Variants in AMPH observed in about 807,000 individuals in gnomAD.
AMPH encodes amphiphysin (Stiff-Mann syndrome with breast cancer 128kD autoantigen).
A neutral mutation model predicts 99.1 loss-of-function variants in AMPH; 49 were observed. The ratio of observed to expected loss-of-function variants is 0.49; its 90% CI spans 0.39 to 0.63. The LOEUF is 0.63. Ranked by LOEUF, AMPH falls within the 20% of genes least tolerant of loss-of-function variation. The pLI is 0.00. For missense variants in AMPH, 759 were observed against 863.4 expected (o/e 0.88, Z 1.52); for synonymous variants, 314 against 317.3 (o/e 0.99, Z 0.11).
chr7:38,470,079 AC>A (rs962264337), intron 7 of AMPH, among the ~76,000 whole-genome samples: 4 of 151,788 alleles, frequency 2.6e-5, no homozygotes, highest in Non-Finnish European at 5.9e-5. Context: ...CCTGTGGTAT[AC>A]CCCTCAACAC....
intron 11 of AMPH, among the ~76,000 whole-genome samples, chr7:38,456,966 A>C (rs1787260308): frequency 6.6e-6 from 1 of 152,254 alleles, no homozygotes; most frequent in African/African-American, 2.4e-5. Context: ...TAAGTCATTG[A>C]GGAAATCACA....
At chr7:38,511,410 A>G (rs1213679944) in intron 2 of AMPH, among the ~76,000 whole-genome samples, 2 of 152,192 alleles carry the variant, frequency 1.3e-5, no homozygotes, top group African/African-American at 2.4e-5. Flanking sequence ...AGACACAGTT[A>G]TATTTTTCAG....
chr7:38,507,601 C>T (rs540364582), intron 2 of AMPH, among the ~76,000 whole-genome samples: 1 of 152,306 alleles, frequency 6.6e-6, no homozygotes, highest in Admixed American at 6.5e-5. Context: ...TATAACATTG[C>T]TCAGATTTCA....
At chr7:38,465,879 T>C (rs1460080971) in intron 8 of AMPH, among the ~76,000 whole-genome samples, 3 of 152,222 alleles carry the variant, frequency 2.0e-5, no homozygotes, top group African/African-American at 7.2e-5. Context: ...ATTATCTAAA[T>C]ACTTTGAGAG....
intron 5 of AMPH, among the ~76,000 whole-genome samples, chr7:38,480,015 C>G (rs1788230144): frequency 6.6e-6 from 1 of 151,478 alleles, no homozygotes; most frequent in Non-Finnish European, 1.5e-5. Flanking sequence ...TAAGAACTAA[C>G]CCAGGAGGAG....
At chr7:38,485,228 C>T (rs1402273887) in intron 5 of AMPH, among the ~76,000 whole-genome samples, 2 of 151,868 alleles carry the variant, frequency 1.3e-5, no homozygotes, top group South Asian at 2.1e-4. Flanking sequence ...TTATTGTCTA[C>T]AAGAGATTTA....
At chr7:38,387,228 A>G (rs1311081418) in intron 20 of AMPH, among the ~76,000 whole-genome samples, 1 of 152,258 alleles carries the variant, frequency 6.6e-6, no homozygotes, top group Non-Finnish European at 1.5e-5. Flanking sequence ...GTCTAGTATC[A>G]ATTAAAAAAT....
chr7:38,507,683 G>A (rs1789379827), intron 2 of AMPH, among the ~76,000 whole-genome samples: 1 of 151,938 alleles, frequency 6.6e-6, no homozygotes, highest in Non-Finnish European at 1.5e-5. Flanking sequence ...ATTATGTATT[G>A]CACATGTGTG....
At chr7:38,450,916 G>T (rs1407665375) in intron 11 of AMPH, among the ~76,000 whole-genome samples, 1 of 151,158 alleles carries the variant, frequency 6.6e-6, no homozygotes, top group Non-Finnish European at 1.5e-5. Flanking sequence ...TTGAGACAGG[G>T]TCTCGCTCTT....
At chr7:38,560,607 C>G (rs1431295657) in intron 1 of AMPH, among the ~76,000 whole-genome samples, 12 of 152,220 alleles carry the variant, frequency 7.9e-5, no homozygotes, top group Non-Finnish European at 1.8e-4. Flanking sequence ...ATCCAGACAG[C>G]ACTGCTAGAT....
chr7:38,399,463 G>T (rs1370148178), intron 17 of AMPH, among the ~76,000 whole-genome samples: 5 of 152,138 alleles, frequency 3.3e-5, no homozygotes, highest in Non-Finnish European at 2.9e-5. Context: ...ATGGAAAACA[G>T]GAACCCATTT....
chr7:38,616,987 G>GA (rs1303273666), intron 1 of AMPH, among the ~76,000 whole-genome samples: 1 of 152,164 alleles, frequency 6.6e-6, no homozygotes, highest in Non-Finnish European at 1.5e-5. Flanking sequence ...TATAAATATA[G>GA]ATAATGTAGA....
intron 2 of AMPH, among the ~76,000 whole-genome samples, chr7:38,521,261 C>T (rs554697130): frequency 1.3e-5 from 2 of 152,154 alleles, no homozygotes; most frequent in African/African-American, 2.4e-5. Context: ...TGGCTCACAC[C>T]GGTAATCCTA....
intron 16 of AMPH, among the ~76,000 whole-genome samples, chr7:38,419,867 T>C (rs1315519253): frequency 2.0e-4 from 30 of 152,244 alleles, no homozygotes; most frequent in Non-Finnish European, 8.8e-5. Flanking sequence ...ATATATTTTA[T>C]AAAATGCAAA....
chr7:38,523,516 T>C (rs1790052050), intron 2 of AMPH, among the ~76,000 whole-genome samples: 1 of 152,188 alleles, frequency 6.6e-6, no homozygotes, highest in Non-Finnish European at 1.5e-5. Flanking sequence ...AGTCAACTCC[T>C]AGGAGCTTCC....
At chr7:38,579,181 C>A (rs1170819367) in intron 1 of AMPH, among the ~76,000 whole-genome samples, 1 of 152,214 alleles carries the variant, frequency 6.6e-6, no homozygotes, top group African/African-American at 2.4e-5. Flanking sequence ...AAGAGATTTC[C>A]ATACCTGCTG....
intron 14 of AMPH, chr7:38,429,454 C>T (rs1350971337): frequency 1.5e-5 from 20 of 1,299,528 alleles, no homozygotes; most frequent in Admixed American, 2.3e-5. Context: ...TCTGTACTAG[C>T]GTCAGGGCCC....
At chr7:38,399,972 A>C (rs1030016) in intron 17 of AMPH, among the ~76,000 whole-genome samples, 109,919 of 152,132 alleles carry the variant, frequency 0.72, 40,128 homozygotes, top group East Asian at 0.96. Flanking sequence ...GTATTGCTAA[A>C]CCGCCTGTCC....
intron 11 of AMPH, among the ~76,000 whole-genome samples, chr7:38,447,481 T>C (rs1186041810): frequency 6.6e-6 from 1 of 152,212 alleles, no homozygotes; most frequent in Non-Finnish European, 1.5e-5. Context: ...TTGGGCATCA[T>C]TTTTATAAGC....
Sources: gnomAD v4.1 joint callset for allele counts (sites outside exome capture counted in the v4.1 genomes callset) on GRCh38, gnomAD v4.1.1 for gene constraint, MANE v1.5 for transcripts, NCBI Gene and HGNC (gene_info 2026-07-23, HGNC 2026-07-21) for gene names.